The following SPIDR variants were observed in gnomAD, a reference collection of about 807,000 sequenced individuals.
The protein encoded by SPIDR is DNA repair-scaffolding protein.
SPIDR carries 93 observed loss-of-function variants against 104.6 expected under a neutral mutation model. That is an observed-to-expected ratio of 0.89 (90% CI 0.75 to 1.06). The LOEUF (loss-of-function observed/expected upper bound fraction) is 1.06, where lower values mean the gene tolerates loss of function less well. SPIDR is among the 50% of genes least tolerant of loss of function. The probability of loss-of-function intolerance (pLI) is 0.00; values close to 1 mark genes in which losing one functional copy is unlikely to be tolerated. For synonymous variants in SPIDR, 431 were observed against 416.9 expected (o/e 1.03, Z -0.41); for missense variants, 1,154 against 1,111.2 (o/e 1.04, Z -0.55).
chr8:47,484,860 C>T (rs782476311), intron 8 of SPIDR, among the ~76,000 whole-genome samples: 7 of 152,124 alleles, frequency 4.6e-5, no homozygotes, highest in East Asian at 1.9e-4. Context: ...GATCCAGACC[C>T]GGACGGCAGT....
At chr8:47,438,099 G>C (rs1554693676) in intron 7 of SPIDR, among the ~76,000 whole-genome samples, 1 of 152,246 alleles carries the variant, frequency 6.6e-6, no homozygotes, top group East Asian at 1.9e-4. Context: ...GAGAGCTTGT[G>C]CTGCTTGGGC....
chr8:47,560,973 G>A (rs978088824), intron 8 of SPIDR, among the ~76,000 whole-genome samples: 3 of 152,206 alleles, frequency 2.0e-5, no homozygotes, highest in Admixed American at 6.5e-5. Flanking sequence ...AGCAGAGGTA[G>A]TTCACACCTA....
intron 8 of SPIDR, among the ~76,000 whole-genome samples, chr8:47,566,196 G>A (rs1309942314): frequency 6.6e-6 from 1 of 150,516 alleles, no homozygotes; most frequent in Non-Finnish European, 1.5e-5. Context: ...AGTAGAGGTG[G>A]GGTTTCTCCA....
chr8:47,323,760 T>G (rs2047197131), intron 5 of SPIDR, among the ~76,000 whole-genome samples: 1 of 151,996 alleles, frequency 6.6e-6, no homozygotes, highest in Non-Finnish European at 1.5e-5. Flanking sequence ...ATTCCTAGGG[T>G]TTGTAATAGA....
intron 10 of SPIDR, among the ~76,000 whole-genome samples, chr8:47,670,301 A>C (rs1254639990): frequency 3.3e-5 from 5 of 151,938 alleles, no homozygotes; most frequent in African/African-American, 7.3e-5. Flanking sequence ...TGTATATACC[A>C]AAAAAAAGAC....
chr8:47,719,281 G>T (rs1020831121), intron 16 of SPIDR, among the ~76,000 whole-genome samples: 18 of 152,164 alleles, frequency 1.2e-4, no homozygotes, highest in African/African-American at 4.3e-4. Flanking sequence ...GGCCGAGGCA[G>T]GCGGATCACG....
intron 14 of SPIDR, among the ~76,000 whole-genome samples, 156 bp from the exon 15 acceptor site, chr8:47,712,506 G>A (rs902994450): frequency 6.6e-5 from 10 of 152,120 alleles, no homozygotes; most frequent in African/African-American, 2.4e-4. Context: ...GGGCACATGG[G>A]GCTAGTGACC....
chr8:47,485,133 C>T (rs1046443660), intron 8 of SPIDR, among the ~76,000 whole-genome samples: 13 of 152,202 alleles, frequency 8.5e-5, no homozygotes, highest in South Asian at 2.1e-4. Context: ...CCTGGAAAAT[C>T]GGGTCACTCC....
chr8:47,509,792 T>G (rs910086145), intron 8 of SPIDR, among the ~76,000 whole-genome samples: 3 of 152,320 alleles, frequency 2.0e-5, no homozygotes, highest in East Asian at 3.9e-4. Flanking sequence ...CTTCTTGTCC[T>G]CTTTTGTTAC....
intron 8 of SPIDR, among the ~76,000 whole-genome samples, chr8:47,514,227 GT>G (rs1300159333): frequency 6.6e-6 from 1 of 152,070 alleles, no homozygotes; most frequent in Non-Finnish European, 1.5e-5. Flanking sequence ...ACTGATTGAG[GT>G]TTTTTTCATT....
At chr8:47,724,087 A>G (rs73571467) in intron 16 of SPIDR, among the ~76,000 whole-genome samples, 1 of 151,690 alleles carries the variant, frequency 6.6e-6, no homozygotes, top group East Asian at 1.9e-4. Context: ...CTGACATTTC[A>G]TTTTCCTCAT....
intron 5 of SPIDR, among the ~76,000 whole-genome samples, chr8:47,295,295 G>A (rs945070040): frequency 2.6e-5 from 4 of 152,092 alleles, no homozygotes; most frequent in African/African-American, 9.6e-5. Flanking sequence ...TCCTCCTTAT[G>A]AGTTGTATTT....
intron 8 of SPIDR, among the ~76,000 whole-genome samples, chr8:47,479,676 C>T (rs1200843194): frequency 6.6e-6 from 1 of 152,134 alleles, no homozygotes; most frequent in African/African-American, 2.4e-5. Context: ...CTGAAGCCAG[C>T]CTGCTCTTTT....
At position 47,621,486 on chromosome 8, in the gene SPIDR, C is replaced by T. The variant is rs373792737; in HGVS notation, c.1544+22290C>T. On this transcript the variant is annotated intron_variant, in intron 10 of 19. Transcript: ENST00000297423. ...CTCTTCATCCTCTCATCTCTGTTCT[C>T]GCTTCTGTCTTATTGTGCGCGCCTC... 1.4e-4 allele frequency among the ~76,000 whole-genome samples: 22 copies of T among 152,280 alleles called. 1 individual carries two copies. Among genetic ancestry groups the T allele is most frequent in the African/African-American group, 5.1e-4 (21 of 41,564 alleles).
intron 10 of SPIDR, among the ~76,000 whole-genome samples, chr8:47,607,355 G>A (rs962747149): frequency 6.6e-6 from 1 of 152,062 alleles, no homozygotes; most frequent in African/African-American, 2.4e-5. Flanking sequence ...AATCTCAGCT[G>A]CCCATCTATT....
At chr8:47,420,778 C>T (rs1324258029) in intron 7 of SPIDR, among the ~76,000 whole-genome samples, 2 of 152,158 alleles carry the variant, frequency 1.3e-5, no homozygotes, top group Admixed American at 1.3e-4. Flanking sequence ...ATGTTTAGTG[C>T]TTCCTTCAGG....
At chr8:47,588,084 TATAC>T (rs2060510723) in intron 8 of SPIDR, among the ~76,000 whole-genome samples, 1 of 95,308 alleles carries the variant, frequency 1.0e-5, no homozygotes, top group African/African-American at 4.6e-5. Flanking sequence ...TATATATATA[TATAC>T]ACGTATGTAT....
chr8:47,317,331 A>G (rs1255881143), intron 5 of SPIDR, among the ~76,000 whole-genome samples: 2 of 152,112 alleles, frequency 1.3e-5, no homozygotes, highest in African/African-American at 2.4e-5. Context: ...GGAGGGTCCT[A>G]CACCTGCGGA....
At chr8:47,598,860 T>A in intron 9 of SPIDR, 86 bp from the exon 10 acceptor site, 5 of 1,539,450 alleles carry the variant, frequency 3.2e-6, no homozygotes, top group Non-Finnish European at 4.4e-6. Flanking sequence ...AGGATGTCAT[T>A]ATTTGGTGTG....
Sources: allele counts gnomAD v4.1 joint callset (sites outside exome capture counted in the v4.1 genomes callset), GRCh38; gene constraint gnomAD v4.1.1; transcripts MANE v1.5; gene names NCBI Gene and HGNC (gene_info 2026-07-23, HGNC 2026-07-21).